NUDCD3: variants seen among roughly 807,000 people sequenced by gnomAD.
NUDCD3 encodes the protein nudC domain-containing protein 3.
NUDCD3 carries 13 observed loss-of-function variants against 39.7 expected under a neutral mutation model. The ratio of observed to expected loss-of-function variants is 0.33; its 90% CI spans 0.21 to 0.52. The LOEUF (loss-of-function observed/expected upper bound fraction) is 0.52, where lower values mean the gene tolerates loss of function less well. NUDCD3 is among the 20% of genes least tolerant of loss of function. NUDCD3 has a pLI of 0.96. For synonymous variants in NUDCD3, 175 were observed against 172.4 expected (o/e 1.02, Z -0.12); for missense variants, 453 against 458.1 (o/e 0.99, Z 0.10).
intron 2 of NUDCD3, among the ~76,000 whole-genome samples, chr7:44,459,098 T>C (rs1224530374): frequency 1.3e-5 from 2 of 152,156 alleles, no homozygotes; most frequent in Non-Finnish European, 2.9e-5. Context: ...CTTTCAACAA[T>C]GTTGTGTTGT....
intron 2 of NUDCD3, among the ~76,000 whole-genome samples, chr7:44,454,019 G>A (rs1455028066): frequency 6.6e-6 from 1 of 152,064 alleles, no homozygotes; most frequent in Non-Finnish European, 1.5e-5. Context: ...CTCCAACCTG[G>A]GCGACAGAGC....
intron 5 of NUDCD3, among the ~76,000 whole-genome samples, chr7:44,388,448 C>T (rs905321913): frequency 6.6e-6 from 1 of 152,230 alleles, no homozygotes; most frequent in African/African-American, 2.4e-5. Context: ...AGGGCACACA[C>T]CTACCTTCTA....
intron 3 of NUDCD3, among the ~76,000 whole-genome samples, chr7:44,417,584 C>T (rs1799052775): frequency 6.6e-6 from 1 of 152,136 alleles, no homozygotes; most frequent in Non-Finnish European, 1.5e-5. Context: ...TTTTTTTAGC[C>T]AAGTGAATGA....
chr7:44,425,434 T>C (rs1429340062), intron 3 of NUDCD3, among the ~76,000 whole-genome samples: 1 of 152,246 alleles, frequency 6.6e-6, no homozygotes, highest in Non-Finnish European at 1.5e-5. Flanking sequence ...TTTTATATTA[T>C]GGATTTAAAT....
In NUDCD3 at chr7:44,406,782, G is replaced by C. The variant is rs146158396; in HGVS notation, c.643-2199C>G. On this transcript the variant is annotated intron_variant, in intron 3 of 5. Transcript: ENST00000355451. Reference sequence around the variant, plus strand: ...AAAACCCCAGACAGTGAAAATGGGGGAAGAGGGAGGCCAGGAACAGATGAG... The same window carrying C: ...AAAACCCCAGACAGTGAAAATGGGGCAAGAGGGAGGCCAGGAACAGATGAG... Among the ~76,000 whole-genome samples the C allele has an allele frequency of 3.6e-3, 549 of 152,290 alleles. 2 individuals carry two copies. The highest frequency in any genetic ancestry group is 0.013 in the African/African-American group (525 of 41,562).
At chr7:44,396,454 A>G (rs1798625838) in intron 4 of NUDCD3, among the ~76,000 whole-genome samples, 1 of 152,190 alleles carries the variant, frequency 6.6e-6, no homozygotes, top group South Asian at 2.1e-4. Flanking sequence ...TTAGCATGAT[A>G]ATTATTCTAA....
At chr7:44,392,960 T>C (rs899305588) in intron 4 of NUDCD3, among the ~76,000 whole-genome samples, 5 of 152,132 alleles carry the variant, frequency 3.3e-5, no homozygotes, top group African/African-American at 1.2e-4. Context: ...GTGATCTCTC[T>C]TGCTTCCAAG....
rs151113869 is a variant in NUDCD3 at position 44,426,518 on chromosome 7, C to T, written c.642+1053G>A. Among the ~76,000 whole-genome samples the T allele has an allele frequency of 3.2e-3, 484 of 152,178 alleles. 4 individuals carry two copies. The highest frequency in any genetic ancestry group is 0.011 in the African/African-American group (439 of 41,526). ...GAAATAAAAAAATAGCAAGGGAGGC[C>T]GGGCGCGGTGGCTCACGCCTGTAAT... On this transcript the variant is annotated intron_variant, in intron 3 of 5. Coordinates refer to ENST00000355451, the MANE Select transcript of NUDCD3 (RefSeq NM_015332.4).
At chr7:44,418,756 C>G (rs1048761178) in intron 3 of NUDCD3, among the ~76,000 whole-genome samples, 1 of 152,196 alleles carries the variant, frequency 6.6e-6, no homozygotes, top group Non-Finnish European at 1.5e-5. Flanking sequence ...AGTTAGGCAG[C>G]GGGTGCAGCC....
intron 2 of NUDCD3, among the ~76,000 whole-genome samples, chr7:44,471,381 T>G (rs1281699860): frequency 2.6e-5 from 4 of 152,246 alleles, no homozygotes; most frequent in Non-Finnish European, 5.9e-5. Flanking sequence ...TTTTTTAGTA[T>G]TTTCAATCCA....
intron 2 of NUDCD3, among the ~76,000 whole-genome samples, chr7:44,476,859 G>C (rs1033215920): frequency 6.6e-6 from 1 of 152,158 alleles, no homozygotes; most frequent in Non-Finnish European, 1.5e-5. Context: ...TTACCTGCTG[G>C]GGAAAGCGGA....
chr7:44,450,499 C>T (rs926837390), intron 2 of NUDCD3, among the ~76,000 whole-genome samples: 1 of 151,644 alleles, frequency 6.6e-6, no homozygotes, highest in Non-Finnish European at 1.5e-5. Context: ...AAATTTAAAA[C>T]ACCAAATGCT....
chr7:44,425,974 G>A, intron 3 of NUDCD3: 1 of 207,980 alleles, frequency 4.8e-6, no homozygotes, highest in South Asian at 1.7e-4. Flanking sequence ...GGTACATCAT[G>A]ACATGGTGTG....
intron 1 of NUDCD3, among the ~76,000 whole-genome samples, chr7:44,488,980 C>G (rs1800675432): frequency 6.6e-6 from 1 of 152,018 alleles, no homozygotes; most frequent in Non-Finnish European, 1.5e-5. Context: ...AGTATATACT[C>G]CTTTCTCCTC....
chr7:44,393,940 G>A (rs946921207), intron 4 of NUDCD3, among the ~76,000 whole-genome samples: 1 of 152,144 alleles, frequency 6.6e-6, no homozygotes, highest in Non-Finnish European at 1.5e-5. Context: ...GGGCTTGAGA[G>A]AGCAGTGTCC....
intron 2 of NUDCD3, chr7:44,471,715 T>A (rs771981788): frequency 7.2e-5 from 11 of 152,266 alleles, no homozygotes; most frequent in Non-Finnish European, 1.0e-4. Context: ...AGAGTAGAAG[T>A]GACACACAGA....
At chr7:44,430,440 G>T (rs1291357116) in intron 2 of NUDCD3, among the ~76,000 whole-genome samples, 1 of 152,094 alleles carries the variant, frequency 6.6e-6, no homozygotes, top group Non-Finnish European at 1.5e-5. Flanking sequence ...GAACAATAGG[G>T]TAGCAGCAGC....
chr7:44,389,285 T>A (rs1798464626), intron 5 of NUDCD3, among the ~76,000 whole-genome samples: 1 of 152,208 alleles, frequency 6.6e-6, no homozygotes, highest in South Asian at 2.1e-4. Flanking sequence ...AGGTAGGGGT[T>A]TGAGGTCCAG....
intron 3 of NUDCD3, among the ~76,000 whole-genome samples, chr7:44,425,576 A>C (rs1394850809): frequency 2.0e-5 from 3 of 152,208 alleles, no homozygotes; most frequent in African/African-American, 7.2e-5. Context: ...TAAAAGATTA[A>C]ACTTCCACTG....
Sources: allele counts gnomAD v4.1 joint callset (sites outside exome capture counted in the v4.1 genomes callset), GRCh38; gene constraint gnomAD v4.1.1; transcripts MANE v1.5; gene names NCBI Gene and HGNC (gene_info 2026-07-23, HGNC 2026-07-21).